The following DPY19L2 variants were observed in gnomAD, a reference collection of about 807,000 sequenced individuals.
The protein encoded by DPY19L2 is dpy-19 like 2.
Under a neutral mutation model 97.9 loss-of-function variants are expected in DPY19L2, and 34 were observed. That is an observed-to-expected ratio of 0.35 (90% CI 0.26 to 0.46). DPY19L2 has a LOEUF of 0.46. Among genes scored for constraint, DPY19L2 ranks in the 20% least tolerant of loss-of-function variants. The pLI is 1.00. For missense variants in DPY19L2, 623 were observed against 911.4 expected (o/e 0.68, Z 4.07); for synonymous variants, 230 against 307.9 (o/e 0.75, Z 2.65).
At chr12:63,631,706 T>A (rs1186424898) in intron 6 of DPY19L2, among the ~76,000 whole-genome samples, 1 of 152,068 alleles carries the variant, frequency 6.6e-6, no homozygotes, top group Non-Finnish European at 1.5e-5. Flanking sequence ...CCTCCCTAAC[T>A]CATTTTAGGA....
At chr12:63,611,959 T>C (rs1165356623) in intron 11 of DPY19L2, among the ~76,000 whole-genome samples, 2 of 152,110 alleles carry the variant, frequency 1.3e-5, no homozygotes, top group East Asian at 1.9e-4. Context: ...AAGAAAGCTA[T>C]AGTAAGGCAC....
chr12:63,668,015 G>T (rs1207242529), intron 1 of DPY19L2, 42 bp downstream of exon 1: 2 of 1,573,148 alleles, frequency 1.3e-6, no homozygotes, highest in Non-Finnish European at 1.7e-6. Context: ...CAAGAAAAGC[G>T]CCATGCGGCT....
chr12:63,667,856 G>GC (rs796098601), intron 1 of DPY19L2, among the ~76,000 whole-genome samples: 34 of 152,120 alleles, frequency 2.2e-4, no homozygotes, highest in African/African-American at 8.0e-4. Flanking sequence ...CGATCTGACA[G>GC]CCCTTCAAAC....
rs889187969 is a variant in DPY19L2, at chr12:63,607,110, T to G, written c.1278+1506A>C. Reference sequence around the variant, plus strand: ...TTCCTTCCTTAGATTTTTTGTTTCTTTGATATTCTTGATTTTAAAACTTGG... The same window carrying G: ...TTCCTTCCTTAGATTTTTTGTTTCTGTGATATTCTTGATTTTAAAACTTGG... On this transcript the variant is annotated intron_variant, in intron 12 of 21. Transcript: ENST00000324472. Among the ~76,000 whole-genome samples, 8 of 152,126 alleles carry G rather than the reference T, an allele frequency of 5.3e-5. 1 individual carries two copies. Among genetic ancestry groups the G allele is most frequent in the Non-Finnish European group, 1.0e-4 (7 of 67,984 alleles).
chr12:63,583,504 G>A (rs1290802713), intron 17 of DPY19L2, among the ~76,000 whole-genome samples: 1 of 152,204 alleles, frequency 6.6e-6, no homozygotes, highest in African/African-American at 2.4e-5. Context: ...GGCCAAGGGT[G>A]CCTGCCCTAA....
chr12:63,631,561 G>C (rs192383709), intron 6 of DPY19L2, among the ~76,000 whole-genome samples: 2 of 152,092 alleles, frequency 1.3e-5, no homozygotes, highest in Non-Finnish European at 2.9e-5. Flanking sequence ...CTGAAATTGA[G>C]GCAATAATCA....
chr12:63,667,105 T>C (rs966520775), intron 1 of DPY19L2, among the ~76,000 whole-genome samples: 3 of 152,162 alleles, frequency 2.0e-5, no homozygotes, highest in African/African-American at 7.2e-5. Context: ...TGGTGCATTT[T>C]TGGACTGTAT....
Position 63,668,346 on chromosome 12 carries a change from G to A in DPY19L2, c.48C>T (p.Arg16=). Residue 16 remains arginine, a synonymous_variant, in exon 1 of 22, where the codon CGC becomes CGT. Transcript: ENST00000324472. ...VSSKRLQSSG[R]SQSKGRRGAS... ...CCCCGCGCCGCCCCTTAGACTGGCT[G>A]CGGCCGGAAGATTGCAGCCGCTTTG... is the stretch of plus-strand genomic sequence containing the variant. 1.9e-6 allele frequency: 3 copies of A among 1,613,520 alleles called. No individual in the cohort carries two copies. Among genetic ancestry groups the A allele is most frequent in the Non-Finnish European group, 2.5e-6 (3 of 1,179,854 alleles).
intron 9 of DPY19L2, among the ~76,000 whole-genome samples, chr12:63,620,702 CTTAA>C (rs1488002193): frequency 1.3e-5 from 2 of 152,106 alleles, no homozygotes; most frequent in Admixed American, 6.6e-5. Context: ...TTGCGTTCAA[CTTAA>C]TTAATATACG....
chr12:63,603,397 G>C (rs1262143780), intron 12 of DPY19L2, among the ~76,000 whole-genome samples: 1 of 152,022 alleles, frequency 6.6e-6, no homozygotes, highest in Non-Finnish European at 1.5e-5. Flanking sequence ...TGGGGTACAT[G>C]TGCAGGATAT....
chr12:63,627,465 C>T (rs1482097521), intron 6 of DPY19L2, among the ~76,000 whole-genome samples: 3 of 152,100 alleles, frequency 2.0e-5, no homozygotes, highest in Non-Finnish European at 2.9e-5. Context: ...ATTCTTCTGC[C>T]TCAGCCTCCC....
intron 6 of DPY19L2, among the ~76,000 whole-genome samples, chr12:63,637,287 T>G (rs1291518948): frequency 3.3e-5 from 5 of 151,894 alleles, no homozygotes; most frequent in African/African-American, 4.8e-5. Flanking sequence ...TTTAAAGCAG[T>G]GTATAGAGGA....
rs1379170615 is a variant in DPY19L2 at position 63,624,049 on chromosome 12, A to G, written c.944T>C (p.Leu315Ser). ...FLVLQMCILT[L>S]ILRTSSNDRR... ...TATAAATCGAAGTTACCTGAGAATCAAAGTTAAAATACACATCTGAAGTAC... is the reference window on the plus strand; with the variant it reads ...TATAAATCGAAGTTACCTGAGAATCGAAGTTAAAATACACATCTGAAGTAC... The change falls in exon 8 of 22, where the codon TTG (leucine) becomes TCG (serine). Residue 315 changes from leucine to serine, a missense_variant. Physicochemically the swap from Leu to Ser is moderately radical, Grantham distance 145. Coordinates refer to ENST00000324472, the MANE Select transcript of DPY19L2 (RefSeq NM_173812.5). 1.2e-6 allele frequency: 2 copies of G among 1,608,910 alleles called. No individual in the cohort carries two copies. Among genetic ancestry groups the G allele is most frequent in the African/African-American group, 1.3e-5 (1 of 74,912 alleles).
At chr12:63,581,545 G>A (rs1460755350) in intron 18 of DPY19L2, among the ~76,000 whole-genome samples, 2 of 138,808 alleles carry the variant, frequency 1.4e-5, no homozygotes, top group African/African-American at 5.5e-5. Flanking sequence ...ATGCAGTGGT[G>A]TGACCTCAGC....
chr12:63,630,755 A>T (rs1890467257), intron 6 of DPY19L2, among the ~76,000 whole-genome samples: 1 of 152,174 alleles, frequency 6.6e-6, no homozygotes, highest in Non-Finnish European at 1.5e-5. Flanking sequence ...CCAAATCAAC[A>T]GAATATACAT....
chr12:63,606,411 T>C (rs1886049436), intron 12 of DPY19L2, among the ~76,000 whole-genome samples: 1 of 152,174 alleles, frequency 6.6e-6, no homozygotes, highest in Non-Finnish European at 1.5e-5. Flanking sequence ...AACTGTTATT[T>C]ATACTGTGTT....
intron 12 of DPY19L2, among the ~76,000 whole-genome samples, chr12:63,601,604 AG>A (rs1472422256): frequency 6.6e-6 from 1 of 152,188 alleles, no homozygotes; most frequent in East Asian, 1.9e-4. Context: ...AGGATAAAGA[AG>A]AAAAGGAAAG....
At position 63,655,408 on chromosome 12, in the gene DPY19L2, C is replaced by T. The variant is rs553323020; in HGVS notation, c.588+5936G>A. On this transcript the variant is annotated intron_variant, in intron 4 of 21. Transcript: ENST00000324472. The stretch of plus-strand genomic sequence containing the variant: ...TGAGTATGTAGCACAAGGAAATTTG[C>T]ATAGTTTCATTCATTCAACAAATAT... Among the ~76,000 whole-genome samples the T allele has an allele frequency of 1.6e-4, 24 of 152,246 alleles. No individual in the cohort carries two copies. The East Asian group carries it at 3.9e-3, about 24-fold the overall frequency.
chr12:63,631,871 C>T (rs1592653776), intron 6 of DPY19L2, among the ~76,000 whole-genome samples: 1 of 152,118 alleles, frequency 6.6e-6, no homozygotes, highest in Non-Finnish European at 1.5e-5. Context: ...CTACCATGAT[C>T]AAGTGGGCTT....
Sources: gnomAD v4.1 joint callset for allele counts (sites outside exome capture counted in the v4.1 genomes callset) on GRCh38, gnomAD v4.1.1 for gene constraint, MANE v1.5 for transcripts, NCBI Gene and HGNC (gene_info 2026-07-23, HGNC 2026-07-21) for gene names.